Variants in ELMO1 observed in about 807,000 individuals in gnomAD.
The protein encoded by ELMO1 is engulfment and cell motility protein 1.
A neutral mutation model predicts 98.9 loss-of-function variants in ELMO1; 26 were observed. That is an observed-to-expected ratio of 0.26 (90% CI 0.19 to 0.36). The LOEUF (loss-of-function observed/expected upper bound fraction) is 0.36, where lower values mean the gene tolerates loss of function less well. Among genes scored for constraint, ELMO1 ranks in the 10% least tolerant of loss-of-function variants. The probability of loss-of-function intolerance (pLI) is 1.00; values close to 1 mark genes in which losing one functional copy is unlikely to be tolerated. For missense variants in ELMO1, 627 were observed against 935.2 expected (o/e 0.67, Z 4.30); for synonymous variants, 346 against 346.0 (o/e 1.00, Z 0.00).
At chr7:36,859,590 C>T (rs1028344855) in intron 21 of ELMO1, among the ~76,000 whole-genome samples, 1 of 152,168 alleles carries the variant, frequency 6.6e-6, no homozygotes, top group Non-Finnish European at 1.5e-5. Context: ...TGGAGCAAGA[C>T]TGCCAGTGTT....
In ELMO1 at chr7:36,878,115, T is replaced by C; in HGVS notation, c.1717A>G (p.Lys573Glu). The C allele has an allele frequency of 6.2e-7, 1 of 1,613,180 alleles. No homozygotes were observed. Among genetic ancestry groups the C allele is most frequent in the Non-Finnish European group, 8.5e-7 (1 of 1,179,272 alleles). The change falls in exon 19 of 22, where the codon AAG (lysine) becomes GAG (glutamate). Residue 573 changes from lysine (K) to glutamate (E), a missense_variant and splice_region_variant. Physicochemically the swap from Lys to Glu is moderately conservative, Grantham distance 56. Transcript: ENST00000310758. ...GGCGAAAGCCGACAATACCAAAACTTGTCTGAGAGAAAAAACACAAGTTTA... is the reference window on the plus strand; with the variant it reads ...GGCGAAAGCCGACAATACCAAAACTCGTCTGAGAGAAAAAACACAAGTTTA... ...RKLNARRRQD[K>E]FWYCRLSPNH... is the part of the protein sequence containing the mutation.
chr7:37,411,765 A>T (rs1466139973), intron 1 of ELMO1, among the ~76,000 whole-genome samples: 1 of 152,146 alleles, frequency 6.6e-6, no homozygotes, highest in Non-Finnish European at 1.5e-5. Context: ...ATTATCAAAG[A>T]CACTTAATTC....
At chr7:37,267,011 TAAA>T (rs1217111170) in intron 5 of ELMO1, among the ~76,000 whole-genome samples, 42 of 67,798 alleles carry the variant, frequency 6.2e-4, no homozygotes, top group African/African-American at 2.2e-3. Flanking sequence ...AGACTCCATC[TAAA>T]AAAAAAAAAA....
intron 15 of ELMO1, among the ~76,000 whole-genome samples, chr7:37,024,017 CCTCT>C (rs896044566): frequency 6.6e-5 from 10 of 152,110 alleles, no homozygotes; most frequent in African/African-American, 2.4e-4. Context: ...AAATCATCTC[CCTCT>C]CTTTTTCCTT....
intron 13 of ELMO1, among the ~76,000 whole-genome samples, chr7:37,184,418 T>G (rs1563062791): frequency 6.6e-6 from 1 of 152,210 alleles, no homozygotes; most frequent in Non-Finnish European, 1.5e-5. Flanking sequence ...GCTACCTTTG[T>G]GTTCTGGCTC....
In ELMO1 at chr7:37,416,907, AAC is replaced by A. The variant is rs546952336; in HGVS notation, c.-74+31766_-74+31767del. ...GAAAGAGTTAACCACCTGTCCTATC[AAC>A]AGTGTTTACTTTTGTGTTTGGCTCA... On this transcript the variant is annotated intron_variant, in intron 1 of 21. Coordinates refer to ENST00000310758, the MANE Select transcript of ELMO1 (RefSeq NM_014800.11). Among the ~76,000 whole-genome samples the A allele has an allele frequency of 7.5e-4, 115 of 152,348 alleles. 1 individual carries two copies. Among genetic ancestry groups the A allele is most frequent in the South Asian group, 4.8e-3 (23 of 4,824 alleles).
chr7:37,133,116 G>T lies in ELMO1; in HGVS notation c.1191+14C>A, dbSNP rs772807087. 1 of 1,593,886 alleles carries T rather than the reference G, an allele frequency of 6.3e-7. No homozygotes were observed. The highest frequency in any genetic ancestry group is 8.6e-7 in the Non-Finnish European group (1 of 1,167,596). On this transcript the variant is annotated intron_variant, in intron 14 of 21. Transcript: ENST00000310758. The stretch of plus-strand genomic sequence containing the variant: ...AGGAAACACACAATATCTGAAAAGG[G>T]GCTTCTTGCTTACCCGGATGTAGGC...
intron 13 of ELMO1, among the ~76,000 whole-genome samples, chr7:37,154,574 A>G (rs1468814026): frequency 6.6e-6 from 1 of 152,248 alleles, no homozygotes; most frequent in Non-Finnish European, 1.5e-5. Context: ...CAGTGATTGA[A>G]GATCAAATTA....
rs762560617 is a variant in ELMO1, at chr7:37,171,136, G to C, written c.1087-37902C>G. 3.3e-5 allele frequency among the ~76,000 whole-genome samples: 5 copies of C among 152,034 alleles called. No individual in the cohort carries two copies. In the East Asian group the frequency reaches 5.8e-4, roughly 18 times the overall value. On this transcript the variant is annotated intron_variant, in intron 13 of 21. Coordinates refer to ENST00000310758, the MANE Select transcript of ELMO1 (RefSeq NM_014800.11). ...AAAACTTACCTGATGTATTTTTCTT[G>C]TATTTTTTATATGTTTATAAGACTG...
chr7:37,201,266 G>A (rs775082156), intron 13 of ELMO1, among the ~76,000 whole-genome samples: 4 of 152,072 alleles, frequency 2.6e-5, no homozygotes, highest in East Asian at 1.9e-4. Context: ...CCCTCCTCAC[G>A]TTATTACTGT....
At chr7:37,178,473 G>A (rs1329079132) in intron 13 of ELMO1, among the ~76,000 whole-genome samples, 6 of 151,892 alleles carry the variant, frequency 4.0e-5, no homozygotes. Flanking sequence ...AGGCATGGTG[G>A]CGCCTGTAGT....
At chr7:37,207,664 C>G (rs1203179200) in intron 13 of ELMO1, among the ~76,000 whole-genome samples, 2 of 151,806 alleles carry the variant, frequency 1.3e-5, no homozygotes, top group Non-Finnish European at 2.9e-5. Context: ...TAGAAGATGG[C>G]TGGTGTAGTG....
intron 16 of ELMO1, among the ~76,000 whole-genome samples, chr7:36,989,376 C>A (rs1791719694): frequency 6.6e-6 from 1 of 152,198 alleles, no homozygotes; most frequent in East Asian, 1.9e-4. Flanking sequence ...TCATTAAATG[C>A]AGATTCCTGG....
chr7:36,932,517 A>G (rs1786133158), intron 16 of ELMO1, among the ~76,000 whole-genome samples: 2 of 152,220 alleles, frequency 1.3e-5, no homozygotes, highest in African/African-American at 4.8e-5. Context: ...ACTGTGGCTT[A>G]CTCTTGTGGG....
chr7:36,865,262 A>G (rs1475109453), intron 20 of ELMO1, among the ~76,000 whole-genome samples: 2 of 152,208 alleles, frequency 1.3e-5, no homozygotes, highest in African/African-American at 4.8e-5. Context: ...CCTTTTGATA[A>G]AAGACACAGG....
At chr7:37,063,584 G>GT (rs779516577) in intron 15 of ELMO1, among the ~76,000 whole-genome samples, 8 of 152,246 alleles carry the variant, frequency 5.3e-5, no homozygotes, top group Non-Finnish European at 1.2e-4. Context: ...TTATTTAATA[G>GT]TAAGTGTTTT....
chr7:37,189,449 A>C (rs1362231291), intron 13 of ELMO1, among the ~76,000 whole-genome samples: 1 of 152,226 alleles, frequency 6.6e-6, no homozygotes, highest in Non-Finnish European at 1.5e-5. Flanking sequence ...CTAATGAAAA[A>C]TGAGTGTATA....
chr7:37,146,052 A>T (rs1399701955), intron 13 of ELMO1, among the ~76,000 whole-genome samples: 1 of 152,146 alleles, frequency 6.6e-6, no homozygotes, highest in Non-Finnish European at 1.5e-5. Context: ...GGGAGCTTTA[A>T]AAAAAATCCT....
intron 9 of ELMO1, 91 bp downstream of exon 9, chr7:37,224,787 CA>C: frequency 2.0e-6 from 3 of 1,514,990 alleles, no homozygotes; most frequent in Non-Finnish European, 2.7e-6. Context: ...TACATTTAAC[CA>C]AACTATAACA....
Sources: gnomAD v4.1 joint callset for allele counts (sites outside exome capture counted in the v4.1 genomes callset) on GRCh38, gnomAD v4.1.1 for gene constraint, MANE v1.5 for transcripts, NCBI Gene and HGNC (gene_info 2026-07-23, HGNC 2026-07-21) for gene names.